Variants in JAZF1 observed in about 807,000 individuals in gnomAD.
JAZF1 encodes the protein JAZF zinc finger 1.
A neutral mutation model predicts 26.4 loss-of-function variants in JAZF1; 8 were observed. That is an observed-to-expected ratio of 0.30 (90% CI 0.18 to 0.55). JAZF1 has a LOEUF of 0.55. Ranked by LOEUF, JAZF1 falls within the 20% of genes least tolerant of loss-of-function variation. The pLI, the probability that JAZF1 is intolerant of heterozygous loss-of-function variation, is 0.94. For missense variants in JAZF1, 199 were observed against 322.0 expected (o/e 0.62, Z 2.92); for synonymous variants, 126 against 122.3 (o/e 1.03, Z -0.20).
intron 1 of JAZF1, among the ~76,000 whole-genome samples, chr7:28,062,606 G>T (rs923889674): frequency 7.2e-5 from 11 of 151,754 alleles, no homozygotes; most frequent in Admixed American, 5.9e-4. Context: ...GCCTCAGGTT[G>T]CCTGTGCCCC....
chr7:27,911,286 C>A (rs1430304067), intron 2 of JAZF1, among the ~76,000 whole-genome samples: 2 of 152,104 alleles, frequency 1.3e-5, no homozygotes, highest in East Asian at 1.9e-4. Context: ...CTTTTAAAGT[C>A]TTTTTAGTAT....
At chr7:28,011,132 A>G (rs532327761) in intron 1 of JAZF1, among the ~76,000 whole-genome samples, 1 of 152,358 alleles carries the variant, frequency 6.6e-6, no homozygotes, top group East Asian at 1.9e-4. Context: ...GGCCAATTTT[A>G]GCGGGCAAAA....
At chr7:28,167,329 C>A (rs1190886591) in intron 1 of JAZF1, among the ~76,000 whole-genome samples, 1 of 152,166 alleles carries the variant, frequency 6.6e-6, no homozygotes, top group Non-Finnish European at 1.5e-5. Flanking sequence ...AGCTAGCACA[C>A]TGAATATAGG....
At chr7:28,009,487 C>CTT (rs758716307) in intron 1 of JAZF1, among the ~76,000 whole-genome samples, 25 of 143,784 alleles carry the variant, frequency 1.7e-4, no homozygotes, top group African/African-American at 5.3e-4. Context: ...AATACCATTG[C>CTT]TTTTTTTTTT....
At chr7:28,164,742 T>C (rs1283155285) in intron 1 of JAZF1, among the ~76,000 whole-genome samples, 1 of 152,158 alleles carries the variant, frequency 6.6e-6, no homozygotes, top group Non-Finnish European at 1.5e-5. Context: ...AAGACCATTC[T>C]CCTCCCCTGC....
chr7:27,930,621 A>G (rs2128349845), intron 2 of JAZF1, among the ~76,000 whole-genome samples: 1 of 152,338 alleles, frequency 6.6e-6, no homozygotes, highest in South Asian at 2.1e-4. Flanking sequence ...TATATTTTTT[A>G]AAAAGGAAAG....
At chr7:27,884,364 G>C (rs575880731) in intron 3 of JAZF1, among the ~76,000 whole-genome samples, 1 of 152,162 alleles carries the variant, frequency 6.6e-6, no homozygotes, top group African/African-American at 2.4e-5. Context: ...TCCTGGGCTC[G>C]ACTAATTCTC....
At chr7:28,117,893 A>C (rs571957896) in intron 1 of JAZF1, among the ~76,000 whole-genome samples, 2 of 152,284 alleles carry the variant, frequency 1.3e-5, no homozygotes, top group East Asian at 3.9e-4. Flanking sequence ...TTTCACTATT[A>C]ATTTGTTTAA....
At chr7:27,856,367 G>A (rs1783252335) in intron 3 of JAZF1, among the ~76,000 whole-genome samples, 1 of 152,198 alleles carries the variant, frequency 6.6e-6, no homozygotes, top group African/African-American at 2.4e-5. Flanking sequence ...AGCTCATAAA[G>A]GCAGTGTGGA....
chr7:28,154,384 C>T (rs181326265), intron 1 of JAZF1, among the ~76,000 whole-genome samples: 174 of 152,298 alleles, frequency 1.1e-3, no homozygotes, highest in African/African-American at 4.1e-3. Flanking sequence ...GGTTTGAGAC[C>T]ACTAATGACT....
At chr7:28,090,347 CA>C (rs1241980788) in intron 1 of JAZF1, among the ~76,000 whole-genome samples, 3 of 152,176 alleles carry the variant, frequency 2.0e-5, no homozygotes, top group African/African-American at 7.2e-5. Flanking sequence ...TGCTAATATC[CA>C]GTCAAACTGC....
intron 3 of JAZF1, among the ~76,000 whole-genome samples, chr7:27,869,938 T>C (rs1338067871): frequency 2.0e-5 from 3 of 152,200 alleles, no homozygotes; most frequent in Non-Finnish European, 4.4e-5. Context: ...TCTCGCTCTG[T>C]TGCTCTGTCG....
intron 1 of JAZF1, among the ~76,000 whole-genome samples, chr7:28,164,231 C>A (rs187112485): frequency 1.3e-5 from 2 of 152,346 alleles, no homozygotes; most frequent in African/African-American, 4.8e-5. Flanking sequence ...AGTGCCCCTG[C>A]AGACCAGATA....
intron 1 of JAZF1, among the ~76,000 whole-genome samples, chr7:28,063,300 C>T (rs897127141): frequency 5.3e-5 from 8 of 152,102 alleles, no homozygotes; most frequent in Non-Finnish European, 1.2e-4. Flanking sequence ...TTAAAAAGTG[C>T]GTTTAAAAAT....
intron 3 of JAZF1, among the ~76,000 whole-genome samples, chr7:27,878,916 T>C (rs1156536120): frequency 6.6e-6 from 1 of 152,214 alleles, no homozygotes; most frequent in African/African-American, 2.4e-5. Flanking sequence ...TTTTAAGACA[T>C]ACATTATTAT....
intron 3 of JAZF1, among the ~76,000 whole-genome samples, chr7:27,885,495 T>C (rs1255465849): frequency 6.6e-6 from 1 of 152,222 alleles, no homozygotes; most frequent in Non-Finnish European, 1.5e-5. Flanking sequence ...TTTCCCCCCA[T>C]TTCTAAATTG....
At chr7:27,855,482 G>GAAA (rs1562766880) in intron 3 of JAZF1, among the ~76,000 whole-genome samples, 2 of 151,778 alleles carry the variant, frequency 1.3e-5, no homozygotes, top group African/African-American at 4.8e-5. Context: ...AAACTAATAA[G>GAAA]AAAAGAGAGA....
chr7:27,944,233 T>C (rs886212195), intron 2 of JAZF1, among the ~76,000 whole-genome samples: 9 of 152,198 alleles, frequency 5.9e-5, no homozygotes, highest in African/African-American at 2.2e-4. Flanking sequence ...AGTGTGCTGT[T>C]AGATGCATAT....
intron 2 of JAZF1, among the ~76,000 whole-genome samples, chr7:27,985,506 C>T (rs1375861875): frequency 6.6e-6 from 1 of 152,198 alleles, no homozygotes; most frequent in Non-Finnish European, 1.5e-5. Flanking sequence ...AGATTCACAG[C>T]TGAACTCTAC....
Sources: allele counts gnomAD v4.1 joint callset (sites outside exome capture counted in the v4.1 genomes callset), GRCh38; gene constraint gnomAD v4.1.1; transcripts MANE v1.5; gene names NCBI Gene and HGNC (gene_info 2026-07-23, HGNC 2026-07-21).